Variants in ALCAM observed in about 807,000 individuals in gnomAD.
ALCAM encodes the protein activated leukocyte cell adhesion molecule.
Under a neutral mutation model 70.9 loss-of-function variants are expected in ALCAM, and 30 were observed. The observed-to-expected ratio is 0.42, with a 90% CI of 0.32 to 0.57. The LOEUF (loss-of-function observed/expected upper bound fraction) is 0.57, where lower values mean the gene tolerates loss of function less well. Ranked by LOEUF, ALCAM falls within the 20% of genes least tolerant of loss-of-function variation. The pLI, the probability that ALCAM is intolerant of heterozygous loss-of-function variation, is 0.11. For synonymous variants in ALCAM, 249 were observed against 242.5 expected, an observed-to-expected ratio of 1.03 and a Z score of -0.25; for missense variants, 591 against 695.1, an observed-to-expected ratio of 0.85 and a Z score of 1.68.
At chr3:105,400,311 T>TA (rs1419316175) in intron 1 of ALCAM, among the ~76,000 whole-genome samples, 1 of 152,124 alleles carries the variant, frequency 6.6e-6, no homozygotes, top group African/African-American at 2.4e-5. Context: ...AAAAATGCCT[T>TA]AAAAAAATCT....
intron 6 of ALCAM, among the ~76,000 whole-genome samples, chr3:105,536,640 A>G (rs1309455623): frequency 2.0e-5 from 3 of 152,160 alleles, no homozygotes; most frequent in Non-Finnish European, 4.4e-5. Context: ...GCTTTTAAGA[A>G]GCCACAGTGG....
At chr3:105,379,685 G>T (rs1935467589) in intron 1 of ALCAM, among the ~76,000 whole-genome samples, 1 of 151,664 alleles carries the variant, frequency 6.6e-6, no homozygotes, top group Non-Finnish European at 1.5e-5. Context: ...ATTCAATAGA[G>T]GGAGCTCCAC....
intron 11 of ALCAM, among the ~76,000 whole-genome samples, chr3:105,547,888 C>G (rs1940290892): frequency 6.6e-6 from 1 of 151,468 alleles, no homozygotes; most frequent in Non-Finnish European, 1.5e-5. Flanking sequence ...AAAATAAGCT[C>G]ATGCATCTCA....
chr3:105,477,659 G>T (rs1938157217), intron 1 of ALCAM, among the ~76,000 whole-genome samples: 1 of 151,960 alleles, frequency 6.6e-6, no homozygotes, highest in South Asian at 2.1e-4. Context: ...GGAAATGTTG[G>T]CCATTATTTC....
At chr3:105,442,741 A>C (rs1257666513) in intron 1 of ALCAM, among the ~76,000 whole-genome samples, 1 of 152,076 alleles carries the variant, frequency 6.6e-6, no homozygotes, top group Non-Finnish European at 1.5e-5. Context: ...AGATCGCACC[A>C]CTGCACTCCA....
rs137977400 is a variant in ALCAM at position 105,555,256 on chromosome 3, G to A, written c.1664+2671G>A. Among the ~76,000 whole-genome samples, 825 of 151,942 alleles carry A rather than the reference G, an allele frequency of 5.4e-3. 5 individuals are homozygous for A. The highest frequency in any genetic ancestry group is 0.017 in the African/African-American group (715 of 41,466). ...TCATCTAAATAACTGTTACCTAATC[G>A]AAAAGTTCACCAACTCTGACAGAGT... On this transcript the variant is annotated intron_variant, in intron 14 of 15. Coordinates refer to ENST00000306107, the MANE Select transcript of ALCAM (RefSeq NM_001627.4).
At chr3:105,409,899 C>T (rs1936342895) in intron 1 of ALCAM, among the ~76,000 whole-genome samples, 1 of 151,920 alleles carries the variant, frequency 6.6e-6, no homozygotes, top group South Asian at 2.1e-4. Flanking sequence ...TCCTATATAT[C>T]CCCTTTTGCA....
At chr3:105,531,965 A>T (rs750658744) in intron 3 of ALCAM, 37 bp from the exon 4 acceptor site, 1 of 1,552,806 alleles carries the variant, frequency 6.4e-7, no homozygotes, top group South Asian at 1.1e-5. Flanking sequence ...CGTTTTTCTT[A>T]CATATGTACT....
chr3:105,503,535 A>T (rs1172857795), intron 1 of ALCAM, among the ~76,000 whole-genome samples: 1 of 151,954 alleles, frequency 6.6e-6, no homozygotes, highest in Admixed American at 6.6e-5. Context: ...AAACACTTTA[A>T]CACGATTACC....
intron 1 of ALCAM, among the ~76,000 whole-genome samples, chr3:105,404,838 A>C (rs1013787459): frequency 6.6e-6 from 1 of 152,196 alleles, no homozygotes; most frequent in African/African-American, 2.4e-5. Flanking sequence ...TGCTATCTTC[A>C]GGAGACTCAC....
At chr3:105,529,412 A>G (rs1383880985) in intron 3 of ALCAM, among the ~76,000 whole-genome samples, 1 of 152,180 alleles carries the variant, frequency 6.6e-6, no homozygotes, top group African/African-American at 2.4e-5. Context: ...ATCAATATGC[A>G]ATTTTGCTAA....
chr3:105,550,408 T>C (rs549639906), intron 12 of ALCAM, 149 bp downstream of exon 12: 4 of 822,596 alleles, frequency 4.9e-6, no homozygotes, highest in Middle Eastern at 3.9e-4. Flanking sequence ...ATAAGGTTAT[T>C]TTTTCTTTTT....
At chr3:105,448,286 C>A (rs192313984) in intron 1 of ALCAM, among the ~76,000 whole-genome samples, 20 of 152,060 alleles carry the variant, frequency 1.3e-4, no homozygotes, top group African/African-American at 3.9e-4. Context: ...GAATATCAGT[C>A]ACTAAACCTA....
chr3:105,477,696 ATTC>A (rs1938158233), intron 1 of ALCAM, among the ~76,000 whole-genome samples: 1 of 152,006 alleles, frequency 6.6e-6, no homozygotes, highest in African/African-American at 2.4e-5. Context: ...CTCTACTCTC[ATTC>A]TTGCATTGAA....
At chr3:105,511,038 T>C (rs935704095) in intron 1 of ALCAM, among the ~76,000 whole-genome samples, 1 of 152,110 alleles carries the variant, frequency 6.6e-6, no homozygotes, top group African/African-American at 2.4e-5. Context: ...TTCTCATCTC[T>C]ACTCATTGCC....
intron 1 of ALCAM, among the ~76,000 whole-genome samples, chr3:105,410,332 A>G (rs1936354535): frequency 6.6e-6 from 1 of 152,066 alleles, no homozygotes; most frequent in Non-Finnish European, 1.5e-5. Flanking sequence ...TTAGAGGAAA[A>G]AAGGTAGTGT....
intron 1 of ALCAM, among the ~76,000 whole-genome samples, chr3:105,379,842 A>G (rs1177638279): frequency 6.6e-6 from 1 of 151,772 alleles, no homozygotes; most frequent in African/African-American, 2.4e-5. Context: ...TTCTATTCAT[A>G]TAATTCAAAA....
chr3:105,524,350 A>C lies in ALCAM; in HGVS notation c.236A>C (p.Gln79Pro). 6.2e-7 allele frequency: 1 copy of C among 1,614,196 alleles called. No individual in the cohort carries two copies. Residue 79 changes from glutamine (Q) to proline (P), a missense_variant, in exon 3 of 16, where the codon CAG becomes CCG. Physicochemically the swap from Gln to Pro is moderately conservative, Grantham distance 76. Coordinates refer to ENST00000306107, the MANE Select transcript of ALCAM (RefSeq NM_001627.4). ...AGATCCTCTACAAAGAAAAGTGTGC[A>C]GTACGACGATGTACCAGAATACAAA... Reference protein sequence around the residue: ...AFRSSTKKSVQYDDVPEYKDR... With the variant: ...AFRSSTKKSVPYDDVPEYKDR...
At position 105,520,227 on chromosome 3, in the gene ALCAM, T is replaced by A. The variant is rs1255339913; in HGVS notation, c.174+60T>A. On this transcript the variant is annotated intron_variant, in intron 2 of 15. Transcript: ENST00000306107. ...CCTTGTTCTTTTAAATAAAATTCTTTCTGTGAGTAACTGTGAATTTCAAAT... is the reference window on the plus strand; with the variant it reads ...CCTTGTTCTTTTAAATAAAATTCTTACTGTGAGTAACTGTGAATTTCAAAT... The A allele has an allele frequency of 2.6e-6, 3 of 1,173,772 alleles. No individual in the cohort carries two copies. In the East Asian group the frequency reaches 7.0e-5, roughly 28 times the overall value. The allele number at this position is 1,173,772 out of a possible 1,614,324, so 72.7% of individuals were successfully genotyped here. A position where few individuals can be genotyped will look rare whatever the true frequency, so the allele number is the denominator to read the frequency against.
Sources: gnomAD v4.1 joint callset for allele counts (sites outside exome capture counted in the v4.1 genomes callset) on GRCh38, gnomAD v4.1.1 for gene constraint, MANE v1.5 for transcripts, NCBI Gene and HGNC (gene_info 2026-07-23, HGNC 2026-07-21) for gene names.